Variants in DNAAF4 observed in about 807,000 individuals in gnomAD.
DNAAF4 encodes the protein dynein assembly factor 4, axonemal.
DNAAF4 carries 43 observed loss-of-function variants against 51.8 expected under a neutral mutation model. The observed-to-expected ratio is 0.83, with a 90% confidence interval of 0.65 to 1.07. The LOEUF (loss-of-function observed/expected upper bound fraction) is 1.07, where lower values mean the gene tolerates loss of function less well. Among genes scored for constraint, DNAAF4 ranks in the 50% least tolerant of loss-of-function variants. DNAAF4 has a pLI of 0.00. For synonymous variants in DNAAF4, 194 were observed against 165.6 expected, an observed-to-expected ratio of 1.17 and a Z score of -1.32; for missense variants, 581 against 493.0, an observed-to-expected ratio of 1.18 and a Z score of -1.69.
At chr15:55,477,372 A>AT (rs577105685) in intron 4 of DNAAF4, among the ~76,000 whole-genome samples, 220 of 152,192 alleles carry the variant, frequency 1.4e-3, no homozygotes, top group African/African-American at 5.1e-3. Flanking sequence ...AAAACCTAAG[A>AT]TTTTTTAAGA....
chr15:55,500,724 G>A (rs1415183198), intron 1 of DNAAF4, among the ~76,000 whole-genome samples: 1 of 152,044 alleles, frequency 6.6e-6, no homozygotes, highest in African/African-American at 2.4e-5. Flanking sequence ...CGGGCGTGGT[G>A]GCTCATGCCT....
intron 4 of DNAAF4, among the ~76,000 whole-genome samples, chr15:55,478,213 C>T (rs1312328228): frequency 1.3e-5 from 2 of 152,224 alleles, no homozygotes; most frequent in Non-Finnish European, 2.9e-5. Context: ...AAGCCCTCCA[C>T]TAGGACAATG....
rs181957238 is a variant in DNAAF4 at position 55,452,561 on chromosome 15, C to A, written c.638-2194G>T. Among the ~76,000 whole-genome samples the A allele has an allele frequency of 4.5e-4, 68 of 151,932 alleles. No individual in the cohort carries two copies. The East Asian group carries it at 0.013, about 29-fold the overall frequency. ...TCTTCTATTTTCCATTTGCAAATTG[C>A]AAAACATAAAAAAGAAATTTGCTGT... is the stretch of plus-strand genomic sequence containing the variant. On this transcript the variant is annotated intron_variant, in intron 5 of 9. Coordinates refer to ENST00000321149, the MANE Select transcript of DNAAF4 (RefSeq NM_130810.4).
intron 7 of DNAAF4, 83 bp downstream of exon 7, chr15:55,439,389 C>A: frequency 5.8e-6 from 7 of 1,199,128 alleles, no homozygotes; most frequent in Non-Finnish European, 6.0e-6. Flanking sequence ...GGATTACAGG[C>A]ATGAGCCACC....
chr15:55,483,642 G>A (rs942840660), intron 4 of DNAAF4, among the ~76,000 whole-genome samples: 2 of 151,788 alleles, frequency 1.3e-5, no homozygotes, highest in African/African-American at 2.4e-5. Context: ...CTGGGTTCAA[G>A]TGATTCTCCT....
chr15:55,452,107 G>A (rs1374274596), intron 5 of DNAAF4, among the ~76,000 whole-genome samples: 2 of 151,550 alleles, frequency 1.3e-5, no homozygotes, highest in Non-Finnish European at 2.9e-5. Context: ...AATTAGTCAG[G>A]GGTGGTGGCA....
intron 7 of DNAAF4, among the ~76,000 whole-genome samples, chr15:55,436,653 G>A (rs1361075468): frequency 1.3e-5 from 2 of 152,118 alleles, no homozygotes; most frequent in African/African-American, 4.8e-5. Context: ...CCAGAGTGCT[G>A]GGATTATAGG....
intron 1 of DNAAF4, among the ~76,000 whole-genome samples, chr15:55,500,459 T>C (rs974937801): frequency 2.0e-5 from 3 of 152,202 alleles, no homozygotes; most frequent in Admixed American, 2.0e-4. Context: ...AAAGACAGGG[T>C]TTATGCATTT....
At chr15:55,425,058 T>C (rs2057418665) in intron 7 of DNAAF4, among the ~76,000 whole-genome samples, 1 of 151,786 alleles carries the variant, frequency 6.6e-6, no homozygotes, top group Non-Finnish European at 1.5e-5. Flanking sequence ...AGAGATGGGG[T>C]TTCTCCATGT....
intron 3 of DNAAF4, among the ~76,000 whole-genome samples, chr15:55,497,001 CCA>C (rs2058649403): frequency 6.6e-6 from 1 of 152,124 alleles, no homozygotes; most frequent in African/African-American, 2.4e-5. Flanking sequence ...CAAGTCAACA[CCA>C]CACTCTGACA....
chr15:55,443,321 C>T, intron 6 of DNAAF4: 1 of 1,161,700 alleles, frequency 8.6e-7, no homozygotes, highest in Non-Finnish European at 1.2e-6. Context: ...CAAAGGGCCC[C>T]CAGCGTGCGG....
chr15:55,468,005 A>C (rs2058194263), intron 4 of DNAAF4, among the ~76,000 whole-genome samples: 1 of 152,194 alleles, frequency 6.6e-6, no homozygotes, highest in Admixed American at 6.5e-5. Flanking sequence ...CACTTACTTC[A>C]ATGATCAAAA....
chr15:55,498,556 G>C lies in DNAAF4; in HGVS notation c.-227C>G. 3.3e-6 allele frequency: 1 copy of C among 303,154 alleles called. No individual in the cohort carries two copies. Among genetic ancestry groups the C allele is most frequent in the South Asian group, 2.9e-5 (1 of 34,990 alleles). The allele number at this position is 303,154 out of a possible 1,614,324, so 18.8% of individuals were successfully genotyped here. ...CTTGGGGTTACCTTACGATCTGAGCGAATGTTCAAAGAAGTAGACCCATAC... is the reference window on the plus strand; with the variant it reads ...CTTGGGGTTACCTTACGATCTGAGCCAATGTTCAAAGAAGTAGACCCATAC... On this transcript the variant is annotated 5_prime_UTR_variant, in exon 2 of 10. Transcript: ENST00000321149.
At chr15:55,502,384 A>C (rs779431721) in intron 1 of DNAAF4, among the ~76,000 whole-genome samples, 1 of 152,178 alleles carries the variant, frequency 6.6e-6, no homozygotes, top group Non-Finnish European at 1.5e-5. Flanking sequence ...AAGCTGAAGG[A>C]ATTGCAGCTC....
chr15:55,476,679 T>C (rs987523226), intron 4 of DNAAF4, among the ~76,000 whole-genome samples: 1 of 152,104 alleles, frequency 6.6e-6, no homozygotes, highest in Non-Finnish European at 1.5e-5. Context: ...AGACAAAGTA[T>C]GCTAAAAAAT....
chr15:55,496,224 C>CT (rs1176104002), intron 3 of DNAAF4, among the ~76,000 whole-genome samples: 1 of 152,168 alleles, frequency 6.6e-6, no homozygotes, highest in East Asian at 1.9e-4. Flanking sequence ...GAGCGAGACT[C>CT]TGTCTTTCCA....
At chr15:55,444,119 A>G (rs2057759189) in intron 6 of DNAAF4, among the ~76,000 whole-genome samples, 1 of 152,178 alleles carries the variant, frequency 6.6e-6, no homozygotes, top group South Asian at 2.1e-4. Flanking sequence ...GTCCTTGCCC[A>G]TGCCTATGTC....
At chr15:55,470,718 AT>A (rs1189036605) in intron 4 of DNAAF4, among the ~76,000 whole-genome samples, 8 of 138,358 alleles carry the variant, frequency 5.8e-5, no homozygotes, top group Non-Finnish European at 7.9e-5. Context: ...TTTTTATGTT[AT>A]TTTTTTGTAA....
At position 55,473,311 on chromosome 15, in the gene DNAAF4, G is replaced by GTATATATATGTGTA. The variant is rs760541427; in HGVS notation, c.406-6151_406-6150insTACACATATATATA. Among the ~76,000 whole-genome samples, 285 of 34,900 alleles carry GTATATATATGTGTA rather than the reference G, an allele frequency of 8.2e-3. 12 individuals carry two copies. The highest frequency in any genetic ancestry group is 0.027 in the African/African-American group (263 of 9,668). 22.9% of individuals were successfully genotyped at this position (34,900 alleles called of 152,430 possible). On this transcript the variant is annotated intron_variant, in intron 4 of 9. Coordinates refer to ENST00000321149, the MANE Select transcript of DNAAF4 (RefSeq NM_130810.4). Reference sequence around the variant, plus strand: ...TATATATATGTGTATATATATGTGTGTATATATGTGTGTATATATATGTGT... The same window carrying GTATATATATGTGTA: ...TATATATATGTGTATATATATGTGTGTATATATATGTGTATATATATGTGTGTATATATATGTGT...
Sources: allele counts gnomAD v4.1 joint callset (sites outside exome capture counted in the v4.1 genomes callset), GRCh38; gene constraint gnomAD v4.1.1; transcripts MANE v1.5; gene names NCBI Gene and HGNC (gene_info 2026-07-23, HGNC 2026-07-21).